INO80: variants seen among roughly 807,000 people sequenced by gnomAD.
INO80 encodes the protein chromatin-remodeling ATPase INO80.
Under a neutral mutation model 203.4 loss-of-function variants are expected in INO80, and 20 were observed. The ratio of observed to expected loss-of-function variants is 0.10; its 90% CI spans 0.07 to 0.14. INO80 has a LOEUF of 0.14. Ranked by LOEUF, INO80 falls within the 10% of genes least tolerant of loss-of-function variation. The pLI is 1.00. For synonymous variants in INO80, 726 were observed against 685.2 expected (o/e 1.06, Z -0.93); for missense variants, 1,419 against 1,914.4 (o/e 0.74, Z 4.83).
At chr15:40,985,902 T>C (rs1260641891) in intron 31 of INO80, among the ~76,000 whole-genome samples, 3 of 152,112 alleles carry the variant, frequency 2.0e-5, no homozygotes, top group Non-Finnish European at 2.9e-5. Context: ...AGCAAAACTC[T>C]GTCTAAAAAA....
intron 7 of INO80, among the ~76,000 whole-genome samples, chr15:41,082,290 G>A (rs918799211): frequency 8.0e-5 from 12 of 149,188 alleles, no homozygotes; most frequent in Non-Finnish European, 1.2e-4. Context: ...TTGGCCAGGC[G>A]CAGTGGCTTA....
In INO80 at chr15:41,060,663, A is replaced by T. The variant is rs2045087810; in HGVS notation, c.1783-737T>A. Among the ~76,000 whole-genome samples, 8 of 152,212 alleles carry T rather than the reference A, an allele frequency of 5.3e-5. 1 individual carries two copies. The South Asian group carries it at 1.7e-3, about 32-fold the overall frequency. On this transcript the variant is annotated intron_variant, in intron 14 of 35. Coordinates refer to ENST00000648947, the MANE Select transcript of INO80 (RefSeq NM_017553.3). ...TCCCTGGCTTTAAGTTGGAAGTCAA[A>T]GGCTACAAGGTAGTAGTAACAGTAA...
At chr15:41,079,113 G>T (rs112052114) in intron 9 of INO80, among the ~76,000 whole-genome samples, 108 of 152,180 alleles carry the variant, frequency 7.1e-4, no homozygotes, top group Non-Finnish European at 1.4e-3. Flanking sequence ...CTCCAGCCTG[G>T]GCGACAAGAG....
Position 40,997,726 on chromosome 15 carries a change from T to C in INO80, c.3498-125A>G, listed in dbSNP as rs564035875. ...ACTAAAAAGAGTTTTGGTGGTTACCTAGGCCTGACTGTATTTCTGTAAAGC... is the reference window on the plus strand; with the variant it reads ...ACTAAAAAGAGTTTTGGTGGTTACCCAGGCCTGACTGTATTTCTGTAAAGC... On this transcript the variant is annotated intron_variant, in intron 28 of 35. Transcript: ENST00000648947. The C allele has an allele frequency of 4.2e-5, 27 of 644,400 alleles. No homozygotes were observed. In the African/African-American group the frequency reaches 4.9e-4, roughly 12 times the overall value. 39.9% of individuals were successfully genotyped at this position (644,400 alleles called of 1,614,324 possible). A position where few individuals can be genotyped will look rare whatever the true frequency, so the allele number is the denominator to read the frequency against.
chr15:40,983,158 A>G (rs1054200475), intron 34 of INO80, 81 bp from the exon 35 acceptor site: 3 of 1,156,790 alleles, frequency 2.6e-6, no homozygotes, highest in African/African-American at 1.5e-5. Flanking sequence ...TTCTCCTGAC[A>G]GGGAAAGCGA....
intron 32 of INO80, 80 bp downstream of exon 32, chr15:40,985,255 TGAG>T: frequency 1.1e-6 from 1 of 923,546 alleles, no homozygotes; most frequent in Non-Finnish European, 1.8e-6. Context: ...GTAACCAAGA[TGAG>T]AAGCCATGTA....
At chr15:41,070,423 CT>C (rs1198522467) in intron 13 of INO80, 43 bp downstream of exon 13, 2 of 1,537,452 alleles carry the variant, frequency 1.3e-6, no homozygotes, top group Admixed American at 1.7e-5. Flanking sequence ...AGAAATTACC[CT>C]AAATTCTAGA....
intron 28 of INO80, among the ~76,000 whole-genome samples, chr15:40,998,788 G>C (rs1039525567): frequency 7.2e-5 from 11 of 151,986 alleles, no homozygotes; most frequent in Admixed American, 5.9e-4. Context: ...CGAGTAGCTG[G>C]GATTACGGGA....
chr15:41,051,568 TG>T (rs989055066), intron 19 of INO80, among the ~76,000 whole-genome samples: 139 of 151,516 alleles, frequency 9.2e-4, no homozygotes, highest in African/African-American at 3.2e-3. Flanking sequence ...CCCAGCACTT[TG>T]GGAGGCCAAG....
intron 1 of INO80, among the ~76,000 whole-genome samples, chr15:41,104,366 T>C (rs113623635): frequency 2.6e-4 from 39 of 152,268 alleles, no homozygotes; most frequent in African/African-American, 9.4e-4. Flanking sequence ...TGGCTCATTA[T>C]CCTGAATCCG....
rs77021094 is a variant in INO80, at chr15:41,000,414, G to A, written c.3498-2813C>T. 7.2e-3 allele frequency among the ~76,000 whole-genome samples: 1,099 copies of A among 152,122 alleles called. 4 individuals carry two copies. The highest frequency in any genetic ancestry group is 0.012 in the Non-Finnish European group (807 of 67,982). On this transcript the variant is annotated intron_variant, in intron 28 of 35. Coordinates refer to ENST00000648947, the MANE Select transcript of INO80 (RefSeq NM_017553.3). Reference sequence around the variant, plus strand: ...AGAAGCAAAAAGATAAGAAATTTCTGGCCAGGTGCGGTGGCTCATGCCTGT... The same window carrying A: ...AGAAGCAAAAAGATAAGAAATTTCTAGCCAGGTGCGGTGGCTCATGCCTGT...
At chr15:41,104,611 C>T (rs902114096) in intron 1 of INO80, among the ~76,000 whole-genome samples, 85 of 151,984 alleles carry the variant, frequency 5.6e-4, no homozygotes, top group Admixed American at 5.5e-3. Flanking sequence ...AATCTTGGCT[C>T]ACTGCAACCT....
intron 9 of INO80, among the ~76,000 whole-genome samples, chr15:41,074,823 C>T (rs12912466): frequency 3.3e-5 from 5 of 152,142 alleles, no homozygotes; most frequent in Non-Finnish European, 5.9e-5. Flanking sequence ...CGGCTCACTG[C>T]GACCTCCGCC....
intron 32 of INO80, among the ~76,000 whole-genome samples, 199 bp downstream of exon 32, chr15:40,985,137 GTT>G (rs1893972368): frequency 6.6e-6 from 1 of 152,152 alleles, no homozygotes. Context: ...GTAAGGGTGA[GTT>G]TGTGTGGAGA....
chr15:40,987,771 T>C (rs143432016), intron 30 of INO80, 45 bp downstream of exon 30: 11 of 1,574,964 alleles, frequency 7.0e-6, no homozygotes, highest in Middle Eastern at 1.7e-4. Context: ...GGTTGGACTT[T>C]CTGTTTGCTC....
At chr15:41,029,139 T>C (rs1315920668) in intron 24 of INO80, among the ~76,000 whole-genome samples, 2 of 152,250 alleles carry the variant, frequency 1.3e-5, no homozygotes, top group African/African-American at 4.8e-5. Context: ...ATTTATACAT[T>C]GTTGTAAGGT....
At chr15:41,099,669 C>A (rs2045779218) in intron 1 of INO80, among the ~76,000 whole-genome samples, 2 of 151,652 alleles carry the variant, frequency 1.3e-5, no homozygotes, top group African/African-American at 4.8e-5. Context: ...GTAAACCCAG[C>A]CACTTGGGAG....
chr15:40,994,580 T>C (rs2043855687), intron 29 of INO80, among the ~76,000 whole-genome samples: 1 of 152,194 alleles, frequency 6.6e-6, no homozygotes, highest in Non-Finnish European at 1.5e-5. Context: ...TTGGCCAGGC[T>C]GGTGTCGAAC....
At position 41,111,391 on chromosome 15, in the gene INO80, A is replaced by G. The variant is rs186993566; in HGVS notation, c.-44+4582T>C. On this transcript the variant is annotated intron_variant, in intron 1 of 35. Transcript: ENST00000648947. ...AACCCAGGAGGCAGAGGTTGCAGTG[A>G]GCCAAGATGGCGCCACTGCACTCCA... 2.7e-3 allele frequency among the ~76,000 whole-genome samples: 411 copies of G among 152,232 alleles called. 3 individuals are homozygous for G. The highest frequency in any genetic ancestry group is 0.013 in the South Asian group (62 of 4,828).
Sources: allele counts gnomAD v4.1 joint callset (sites outside exome capture counted in the v4.1 genomes callset), GRCh38; gene constraint gnomAD v4.1.1; transcripts MANE v1.5; gene names NCBI Gene and HGNC (gene_info 2026-07-23, HGNC 2026-07-21).